PTPN1: variants seen among roughly 807,000 people sequenced by gnomAD.
The protein encoded by PTPN1 is tyrosine-protein phosphatase non-receptor type 1.
Under a neutral mutation model 59.9 loss-of-function variants are expected in PTPN1, and 12 were observed. The ratio of observed to expected loss-of-function variants is 0.20; its 90% CI spans 0.13 to 0.32. The LOEUF (loss-of-function observed/expected upper bound fraction) is 0.32. PTPN1 is among the 10% of genes least tolerant of loss of function. The pLI is 1.00. For synonymous variants in PTPN1, 178 were observed against 203.6 expected (o/e 0.87, Z 1.07); for missense variants, 356 against 549.2 (o/e 0.65, Z 3.52).
chr20:50,570,232 C>T lies in PTPN1; in HGVS notation c.354+1754C>T, dbSNP rs540748884. Among the ~76,000 whole-genome samples, 3 of 152,318 alleles carry T rather than the reference C, an allele frequency of 2.0e-5. No individual in the cohort carries two copies. The East Asian group carries it at 5.8e-4, about 29-fold the overall frequency. ...TCTGCCTCCACCACACACAAAGAAACGGCTTTAGTTACTCGCAGAAAGTCT... is the reference window on the plus strand; with the variant it reads ...TCTGCCTCCACCACACACAAAGAAATGGCTTTAGTTACTCGCAGAAAGTCT... On this transcript the variant is annotated intron_variant, in intron 4 of 9. Coordinates refer to ENST00000371621, the MANE Select transcript of PTPN1 (RefSeq NM_002827.4).
At chr20:50,570,351 T>C (rs562759349) in intron 4 of PTPN1, among the ~76,000 whole-genome samples, 1 of 152,318 alleles carries the variant, frequency 6.6e-6, no homozygotes, top group African/African-American at 2.4e-5. Context: ...CCTTGCCTAC[T>C]TTTTAAAAAA....
chr20:50,510,791 C>A (rs1232956259), intron 1 of PTPN1, among the ~76,000 whole-genome samples: 1 of 151,902 alleles, frequency 6.6e-6, no homozygotes, highest in Non-Finnish European at 1.5e-5. Context: ...AGCGTCGGAG[C>A]CCCCTTCGAT....
At chr20:50,544,673 T>G (rs1364751161) in intron 1 of PTPN1, among the ~76,000 whole-genome samples, 45 of 152,150 alleles carry the variant, frequency 3.0e-4, no homozygotes, top group Non-Finnish European at 4.4e-5. Context: ...TCAAACCCAC[T>G]GGGGACGTCC....
intron 5 of PTPN1, chr20:50,577,559 T>C (rs2426162): frequency 0.62 from 94,580 of 152,166 alleles, 29,379 homozygotes; most frequent in Middle Eastern, 0.78. Context: ...CTCCCCCCAG[T>C]GAGGGCTGCC....
chr20:50,541,693 C>G (rs2082653508), intron 1 of PTPN1, among the ~76,000 whole-genome samples: 1 of 152,186 alleles, frequency 6.6e-6, no homozygotes, highest in African/African-American at 2.4e-5. Flanking sequence ...TGAGGTTGCT[C>G]TAGCCTCAGA....
intron 1 of PTPN1, among the ~76,000 whole-genome samples, chr20:50,530,634 A>G (rs1184891249): frequency 6.6e-6 from 1 of 150,880 alleles, no homozygotes; most frequent in Non-Finnish European, 1.5e-5. Flanking sequence ...TGGGATTACA[A>G]CTGCTGGGAT....
In PTPN1 at chr20:50,510,499, AG is replaced by A. The variant is rs2082501429; in HGVS notation, c.-27del. On this transcript the variant is annotated 5_prime_UTR_variant, in exon 1 of 10. Transcript: ENST00000371621. The stretch of plus-strand genomic sequence containing the variant: ...CGGCAGACGGCGCAGTGGGCCGAGA[AG>A]GAGGCGCAGCAGCCGCCCTGGCCCG... 2.6e-6 allele frequency: 4 copies of A among 1,547,750 alleles called. No individual in the cohort carries two copies. Among genetic ancestry groups the A allele is most frequent in the Non-Finnish European group, 3.5e-6 (4 of 1,145,360 alleles).
At chr20:50,574,390 G>GGCTT in intron 4 of PTPN1, 127 bp from the exon 5 acceptor site, 1 of 983,330 alleles carries the variant, frequency 1.0e-6, no homozygotes, top group Non-Finnish European at 1.4e-6. Context: ...TGCTGACCAT[G>GGCTT]GCTTCCATGT....
chr20:50,580,034 AG>A, intron 8 of PTPN1, 108 bp downstream of exon 8: 1 of 1,019,470 alleles, frequency 9.8e-7, no homozygotes. Flanking sequence ...GTTGGCAAGC[AG>A]CGCTTCCGCA....
intron 1 of PTPN1, among the ~76,000 whole-genome samples, chr20:50,556,255 T>G (rs989786706): frequency 6.6e-6 from 1 of 152,136 alleles, no homozygotes; most frequent in East Asian, 1.9e-4. Flanking sequence ...GTGATGTGTT[T>G]ATGGGTCACT....
intron 8 of PTPN1, 29 bp downstream of exon 8, chr20:50,579,955 G>T: frequency 6.3e-7 from 1 of 1,592,114 alleles, no homozygotes; most frequent in Non-Finnish European, 8.6e-7. Context: ...AGCTTGTTGG[G>T]GTGAGGGGAA....
chr20:50,575,773 A>G (rs1485001687), intron 5 of PTPN1, among the ~76,000 whole-genome samples: 2 of 152,086 alleles, frequency 1.3e-5, no homozygotes, highest in Non-Finnish European at 2.9e-5. Context: ...AAAAAAACAA[A>G]AACAGTTAGT....
At chr20:50,559,634 A>AT (rs11290327) in intron 1 of PTPN1, among the ~76,000 whole-genome samples, 3 of 150,636 alleles carry the variant, frequency 2.0e-5, no homozygotes, top group Non-Finnish European at 3.0e-5. Context: ...CTAATTTTCT[A>AT]TTTTTTTTTC....
At chr20:50,548,365 CT>C (rs912537810) in intron 1 of PTPN1, among the ~76,000 whole-genome samples, 10 of 151,696 alleles carry the variant, frequency 6.6e-5, no homozygotes, top group African/African-American at 2.2e-4. Context: ...TTCATAACAT[CT>C]TTTTTATACA....
chr20:50,579,929 AAT>A lies in PTPN1; in HGVS notation c.1088+6_1088+7del. On this transcript the variant is annotated splice_donor_5th_base_variant and intron_variant, in intron 8 of 9. Transcript: ENST00000371621. ...GCCGCACCCTACGGCATCGAAAGGT[AAT>A]ATGATTGGGTCCCAGCTTGTTGGGG... is the stretch of plus-strand genomic sequence containing the variant. 1 of 1,612,288 alleles carries A rather than the reference AAT, an allele frequency of 6.2e-7. No individual in the cohort carries two copies. Among genetic ancestry groups the A allele is most frequent in the Admixed American group, 1.7e-5 (1 of 60,008 alleles).
intron 1 of PTPN1, among the ~76,000 whole-genome samples, chr20:50,538,876 A>G (rs1174514628): frequency 1.3e-5 from 2 of 152,168 alleles, no homozygotes; most frequent in Admixed American, 6.5e-5. Flanking sequence ...TATAAAAGCA[A>G]TAAGCAAGAT....
intron 1 of PTPN1, among the ~76,000 whole-genome samples, chr20:50,545,649 C>T (rs6126042): frequency 0.11 from 17,320 of 152,030 alleles, 1,091 homozygotes; most frequent in East Asian, 0.21. Context: ...CTCTTAATAC[C>T]CAGGAAGAAG....
At chr20:50,518,879 T>A (rs2082539805) in intron 1 of PTPN1, among the ~76,000 whole-genome samples, 1 of 152,198 alleles carries the variant, frequency 6.6e-6, no homozygotes, top group Non-Finnish European at 1.5e-5. Flanking sequence ...GTCCCCAGAA[T>A]ACAACCTGGT....
In PTPN1 at chr20:50,582,809, GCCGGACCGCGTAGAGAGCCGGGCC is replaced by G. The variant is rs2082875771; in HGVS notation, c.*101_*124del. The G allele has an allele frequency of 1.3e-6, 2 of 1,500,624 alleles. No individual in the cohort carries two copies. Among genetic ancestry groups the G allele is most frequent in the Non-Finnish European group, 1.8e-6 (2 of 1,089,854 alleles). 93.0% of individuals were successfully genotyped at this position (1,500,624 alleles called of 1,614,324 possible). On this transcript the variant is annotated 3_prime_UTR_variant, in exon 10 of 10. Transcript: ENST00000371621. The surrounding 1 kb of genome is among the most constrained non-coding windows in gnomAD (Gnocchi z 4.2). ...AGGCATGCCGCGGTAGGTAAGGGCCGCCGGACCGCGTAGAGAGCCGGGCCCCGGACGGACGTTGGTTCTGCACTA... is the reference window on the plus strand; with the variant it reads ...AGGCATGCCGCGGTAGGTAAGGGCCGCCGGACGGACGTTGGTTCTGCACTA...
Sources: allele counts gnomAD v4.1 joint callset (sites outside exome capture counted in the v4.1 genomes callset), GRCh38; gene constraint gnomAD v4.1.1; non-coding constraint Gnocchi (gnomAD v3.1); transcripts MANE v1.5; gene names NCBI Gene and HGNC (gene_info 2026-07-23, HGNC 2026-07-21).